The following PPRC1 variants were observed in gnomAD, a reference collection of about 807,000 sequenced individuals.
The protein encoded by PPRC1 is PPARG related coactivator 1, also known as peroxisome proliferator-activated receptor gamma coactivator-related protein 1.
Under a neutral mutation model 132.5 loss-of-function variants are expected in PPRC1, and 23 were observed. The ratio of observed to expected loss-of-function variants is 0.17; its 90% confidence interval spans 0.12 to 0.25. The LOEUF is 0.25. PPRC1 is among the 10% of genes least tolerant of loss of function. The probability of loss-of-function intolerance (pLI) is 1.00; values close to 1 mark genes in which losing one functional copy is unlikely to be tolerated. For missense variants in PPRC1, 2,006 were observed against 2,089.1 expected, an observed-to-expected ratio of 0.96 and a Z score of 0.78; for synonymous variants, 872 against 833.5, an observed-to-expected ratio of 1.05 and a Z score of -0.80.
upstream of PPRC1, among the ~76,000 whole-genome samples, chr10:102,129,967 T>C: frequency 6.6e-6 from 1 of 152,258 alleles, no homozygotes; most frequent in Non-Finnish European, 1.5e-5. Context: ...GTATTAATCT[T>C]GCTGGCTGCT....
chr10:102,128,082 T>C (rs1299447595), upstream of PPRC1, among the ~76,000 whole-genome samples: 1 of 151,910 alleles, frequency 6.6e-6, no homozygotes, highest in Non-Finnish European at 1.5e-5. Context: ...GCTTCCAAGC[T>C]CACTGTCATG....
rs150193173 is a variant in PPRC1, at chr10:102,141,011, G to A, written c.2503G>A (p.Val835Ile). 1.4e-4 allele frequency: 234 copies of A among 1,614,144 alleles called. No individual in the cohort carries two copies. Among genetic ancestry groups the A allele is most frequent in the Non-Finnish European group, 1.9e-4 (224 of 1,180,034 alleles). Residue 835 changes from valine (V) to isoleucine (I), a missense_variant, in exon 5 of 14, where the codon GTA (valine) becomes ATA (isoleucine). Val to Ile is a conservative substitution (Grantham distance 29). Transcript: ENST00000278070. ...SPASPSPEPP[V>I]SKPVASSPTE... ...TGCTTCTCCTAGTCCTGAGCCACCT[G>A]TAAGCAAACCTGTGGCCTCATCTCC...
chr10:102,120,224 G>A, the PPRC1 span: 1 of 984,824 alleles, frequency 1.0e-6, no homozygotes, highest in African/African-American at 1.8e-5. Context: ...GCTCGCCGCC[G>A]GCCCGGCCCG....
Position 102,139,823 on chromosome 10 carries a change from C to G in PPRC1, c.1315C>G (p.Pro439Ala), listed in dbSNP as rs774789930. ...KPREVVEPVV[P>A]KEPQNPPANA... ...CAGGGAGGTCGTGGAGCCGGTGGTG[C>G]CCAAGGAGCCTCAGAACCCACCTGC... Residue 439 changes from proline to alanine, a missense_variant, in exon 5 of 14, where the codon CCC becomes GCC. Physicochemically the swap from Pro to Ala is conservative, Grantham distance 27. Transcript: ENST00000278070. 3.1e-6 allele frequency: 5 copies of G among 1,614,132 alleles called. No homozygotes were observed. In the African/African-American group the frequency reaches 4.0e-5, roughly 13 times the overall value.
At chr10:102,120,847 T>A in the PPRC1 span, among the ~76,000 whole-genome samples, 1 of 151,418 alleles carries the variant, frequency 6.6e-6, no homozygotes, top group African/African-American at 2.4e-5. Flanking sequence ...GTGGTGTATC[T>A]CTCTCCACCC....
Position 102,140,312 on chromosome 10 carries a change from G to C in PPRC1, c.1804G>C (p.Ala602Pro), listed in dbSNP as rs1454364189. Residue 602 changes from alanine to proline, a missense_variant, in exon 5 of 14, where the codon GCT (alanine) becomes CCT (proline). By Grantham distance (27) the Ala-to-Pro change is conservative. This residue lies in a region of PPRC1 where 1,914 missense variants were observed against 1,917.2 expected (regional missense o/e 1.00). Coordinates refer to ENST00000278070, the MANE Select transcript of PPRC1 (RefSeq NM_015062.5). ...ADPTAVGPVLAGPVPVDPGLV... is the reference protein window; with the variant it reads ...ADPTAVGPVLPGPVPVDPGLV... ...TCCCACTGCAGTTGGCCCTGTTCTA[G>C]CTGGCCCTGTACCTGTTGACCCTGG... 3 of 1,614,136 alleles carry C rather than the reference G, an allele frequency of 1.9e-6. No homozygotes were observed. Among genetic ancestry groups the C allele is most frequent in the East Asian group, 2.2e-5 (1 of 44,886 alleles).
Position 102,139,579 on chromosome 10 carries a change from T to C in PPRC1, c.1071T>C (p.Asp357=), listed in dbSNP as rs771983687. ...EIVGQAATAG[D]DLEIPVVVRQ... ...TGGGGCAGGCAGCCACAGCTGGCGA[T>C]GACCTGGAGATCCCAGTTGTGGTGC... The change falls in exon 5 of 14, where the codon GAT becomes GAC. Residue 357 remains aspartate (D), a synonymous_variant. Coordinates refer to ENST00000278070, the MANE Select transcript of PPRC1 (RefSeq NM_015062.5). 1 of 1,613,956 alleles carries C rather than the reference T, an allele frequency of 6.2e-7. No individual in the cohort carries two copies. Among genetic ancestry groups the C allele is most frequent in the Non-Finnish European group, 8.5e-7 (1 of 1,179,956 alleles).
the PPRC1 span, among the ~76,000 whole-genome samples, chr10:102,127,019 TCATATATATATATATATA>T: frequency 6.8e-4 from 54 of 78,892 alleles, no homozygotes; most frequent in Admixed American, 1.7e-3. Context: ...TGGTTTTTTA[TCATATATATATATATATA>T]TATATATATA....
In PPRC1 at chr10:102,139,953, C is replaced by T; in HGVS notation, c.1445C>T (p.Ser482Phe). The T allele has an allele frequency of 6.2e-7, 1 of 1,614,240 alleles. No individual in the cohort carries two copies. Among genetic ancestry groups the T allele is most frequent in the Non-Finnish European group, 8.5e-7 (1 of 1,180,040 alleles). Residue 482 changes from serine to phenylalanine, a missense_variant, in exon 5 of 14, where the codon TCT (serine) becomes TTT (phenylalanine). Physicochemically the swap from Ser to Phe is radical, Grantham distance 155 (BLOSUM62 -2). Transcript: ENST00000278070. Reference sequence around the variant, plus strand: ...GGCTATGCCAGGAGGCTGAGGTCATCTTCTCGCGGGCAGTCTACTGTAGGT... The same window carrying T: ...GGCTATGCCAGGAGGCTGAGGTCATTTTCTCGCGGGCAGTCTACTGTAGGT... ...VEGYARRLRS[S>F]SRGQSTVGTE...
rs1468779416 is a variant in PPRC1, at chr10:102,138,678, C to T, written c.402C>T (p.Ile134=). ...CGCTGCTCACGGCTCTGACGGAGATCTTGGACAATGCAGATTCTGAGAACC... is the reference window on the plus strand; with the variant it reads ...CGCTGCTCACGGCTCTGACGGAGATTTTGGACAATGCAGATTCTGAGAACC... ...EVSLLTALTE[I]LDNADSENLS... The change falls in exon 3 of 14, where the codon ATC becomes ATT. Residue 134 remains isoleucine (I), a synonymous_variant. Transcript: ENST00000278070. The T allele has an allele frequency of 6.2e-7, 1 of 1,614,202 alleles. No individual in the cohort carries two copies. The highest frequency in any genetic ancestry group is 1.1e-5 in the South Asian group (1 of 91,090).
chr10:102,146,630 C>T (rs777953568), intron 8 of PPRC1, 42 bp from the exon 9 acceptor site: 41 of 1,557,984 alleles, frequency 2.6e-5, no homozygotes, highest in Admixed American at 3.7e-5. Flanking sequence ...AGCGTAGAAT[C>T]GGATCTCATC....
chr10:102,125,353 G>A, the PPRC1 span, among the ~76,000 whole-genome samples: 1 of 151,616 alleles, frequency 6.6e-6, no homozygotes, highest in African/African-American at 2.4e-5. Context: ...CCGCCTCCTG[G>A]GTTGAAGCAA....
In PPRC1 at chr10:102,139,556, G is replaced by C; in HGVS notation, c.1048G>C (p.Gly350Arg). The change falls in exon 5 of 14, where the codon GGG becomes CGG. Residue 350 changes from glycine (G) to arginine (R), a missense_variant. Around this residue, in one of 2 missense-constraint regions of PPRC1, gnomAD observed 1,914 missense variants for 1,917.2 expected, o/e 1.00. Transcript: ENST00000278070. The stretch of plus-strand genomic sequence containing the variant: ...GGGCTGCGTAGTGCTGGAGATTGTG[G>C]GGCAGGCAGCCACAGCTGGCGATGA... ...PEGCVVLEIVGQAATAGDDLE... is the reference protein window; with the variant it reads ...PEGCVVLEIVRQAATAGDDLE... 3 of 1,613,896 alleles carry C rather than the reference G, an allele frequency of 1.9e-6. No homozygotes were observed. The highest frequency in any genetic ancestry group is 2.5e-6 in the Non-Finnish European group (3 of 1,179,922).
At chr10:102,144,614 A>C (rs2069138070) in intron 7 of PPRC1, 1 of 494,376 alleles carries the variant, frequency 2.0e-6, no homozygotes, top group Non-Finnish European at 3.6e-6. Flanking sequence ...ATAACACTTC[A>C]AGTTTGCTCA....
At chr10:102,126,458 CTT>C in the PPRC1 span, among the ~76,000 whole-genome samples, 40 of 140,020 alleles carry the variant, frequency 2.9e-4, no homozygotes, top group African/African-American at 2.9e-4. Flanking sequence ...TGAACTATAA[CTT>C]TTTTTTTTTT....
At position 102,140,055 on chromosome 10, in the gene PPRC1, A is replaced by G. The variant is rs779649735; in HGVS notation, c.1547A>G (p.Gln516Arg). ...EELQKESGPLQGKGKPRAWAR... is the reference protein window; with the variant it reads ...EELQKESGPLRGKGKPRAWAR... ...CTTCAAAAAGAGTCTGGGCCTCTCC[A>G]GGGTAAGGGGAAGCCCCGGGCTTGG... The change falls in exon 5 of 14, where the codon CAG (glutamine) becomes CGG (arginine). Residue 516 changes from glutamine to arginine, a missense_variant. By Grantham distance (43) the Gln-to-Arg change is conservative. This residue lies in a region of PPRC1 where 1,914 missense variants were observed against 1,917.2 expected (regional missense o/e 1.00). Transcript: ENST00000278070. 1.9e-6 allele frequency: 3 copies of G among 1,614,220 alleles called. No homozygotes were observed. Among genetic ancestry groups the G allele is most frequent in the Admixed American group, 1.7e-5 (1 of 60,020 alleles).
the PPRC1 span, among the ~76,000 whole-genome samples, chr10:102,125,521 G>A: frequency 4.6e-5 from 7 of 151,826 alleles, no homozygotes; most frequent in African/African-American, 1.2e-4. Context: ...GCCTCCCAAA[G>A]TGCTGGGATT....
chr10:102,129,086 C>T (rs371622650), upstream of PPRC1, among the ~76,000 whole-genome samples: 520 of 150,626 alleles, frequency 3.5e-3, 2 homozygotes, highest in Non-Finnish European at 6.3e-3. Context: ...CCCGCCACCA[C>T]GCCCGGCTAA....
At chr10:102,125,457 A>T in the PPRC1 span, among the ~76,000 whole-genome samples, 12 of 151,868 alleles carry the variant, frequency 7.9e-5, no homozygotes, top group African/African-American at 2.9e-4. Flanking sequence ...ACGGGGTTTC[A>T]CCATGATGGC....
Sources: gnomAD v4.1 joint callset for allele counts (sites outside exome capture counted in the v4.1 genomes callset) on GRCh38, gnomAD v4.1.1 for gene constraint, gnomAD v4.1.1 regional missense constraint, MANE v1.5 for transcripts, NCBI Gene and HGNC (gene_info 2026-07-23, HGNC 2026-07-21) for gene names.